DOCK8: variants seen among roughly 807,000 people sequenced by gnomAD.
DOCK8 encodes dedicator of cytokinesis protein 8.
In DOCK8, 141 loss-of-function variants were observed where a neutral mutation model predicts 245.6. The ratio of observed to expected loss-of-function variants is 0.57; its 90% confidence interval spans 0.50 to 0.66. The LOEUF (loss-of-function observed/expected upper bound fraction) is 0.66, where lower values mean the gene tolerates loss of function less well. Among genes scored for constraint, DOCK8 ranks in the 30% least tolerant of loss-of-function variants. DOCK8 has a pLI of 0.00. For missense variants in DOCK8, 2,965 were observed against 2,603.4 expected, an observed-to-expected ratio of 1.14 and a Z score of -3.02; for synonymous variants, 1,168 against 970.2, an observed-to-expected ratio of 1.20 and a Z score of -3.79.
chr9:435,421 T>C (rs981847374), intron 39 of DOCK8, among the ~76,000 whole-genome samples: 1 of 152,232 alleles, frequency 6.6e-6, no homozygotes, highest in Non-Finnish European at 1.5e-5. Flanking sequence ...AAGGCGGTTA[T>C]TATTCCCACT....
chr9:323,907 G>A (rs1325465176), intron 7 of DOCK8, among the ~76,000 whole-genome samples: 1 of 152,134 alleles, frequency 6.6e-6, no homozygotes, highest in East Asian at 1.9e-4. Flanking sequence ...CCTCATATAT[G>A]TATCTGTTCA....
chr9:333,161 G>A (rs1399666526), intron 10 of DOCK8, among the ~76,000 whole-genome samples: 2 of 152,142 alleles, frequency 1.3e-5, no homozygotes, highest in Admixed American at 6.5e-5. Flanking sequence ...AGCATGGGCC[G>A]CTGCCCTTTC....
At chr9:286,414 C>G in intron 2 of DOCK8, 47 bp from the exon 3 acceptor site, 1 of 1,603,284 alleles carries the variant, frequency 6.2e-7, no homozygotes, top group South Asian at 1.1e-5. Flanking sequence ...GTGCTTTTAC[C>G]AGAAAACTGG....
rs113617251 is a variant in DOCK8 at position 464,415 on chromosome 9, G to C, written c.*196G>C. 4 of 644,586 alleles carry C rather than the reference G, an allele frequency of 6.2e-6. No homozygotes were observed. The highest frequency in any genetic ancestry group is 1.1e-5 in the Non-Finnish European group (4 of 359,704). The allele number at this position is 644,586 out of a possible 1,614,324, so 39.9% of individuals were successfully genotyped here. On this transcript the variant is annotated 3_prime_UTR_variant, in exon 48 of 48. Coordinates refer to ENST00000432829, the MANE Select transcript of DOCK8 (RefSeq NM_203447.4). ...CTCTGACCAGATTTTTGCCATACTG[G>C]GGGGTGGCGGGATGGAGGATGGGTA...
At chr9:387,272 C>A (rs889325294) in intron 23 of DOCK8, among the ~76,000 whole-genome samples, 1 of 151,882 alleles carries the variant, frequency 6.6e-6, no homozygotes, top group African/African-American at 2.4e-5. Flanking sequence ...GGTGAAACCC[C>A]CTCCTACTAA....
intron 46 of DOCK8, chr9:460,422 T>C (rs1361611471): frequency 6.6e-6 from 1 of 152,230 alleles, no homozygotes; most frequent in Non-Finnish European, 1.5e-5. Context: ...TGTTATAAAC[T>C]TGGGCCTTGA....
chr9:239,557 A>T (rs2047334755), intron 1 of DOCK8, among the ~76,000 whole-genome samples: 1 of 152,236 alleles, frequency 6.6e-6, no homozygotes, highest in Non-Finnish European at 1.5e-5. Flanking sequence ...TAGCAACTGT[A>T]GTCAGGGATT....
At chr9:392,906 C>T (rs757887194) in intron 24 of DOCK8, among the ~76,000 whole-genome samples, 8 of 151,688 alleles carry the variant, frequency 5.3e-5, no homozygotes, top group Non-Finnish European at 1.0e-4. Flanking sequence ...AAAGAAGATT[C>T]ACTCAGCCTA....
chr9:304,530 G>T (rs1320094671), intron 4 of DOCK8, 51 bp from the exon 5 acceptor site: 2 of 1,611,626 alleles, frequency 1.2e-6, no homozygotes, highest in South Asian at 1.1e-5. Context: ...CTAATGGTTT[G>T]CCGCTCTCTC....
Position 421,868 on chromosome 9 carries a change from A to G in DOCK8, c.4154-180A>G, listed in dbSNP as rs569263095. 2.0e-5 allele frequency among the ~76,000 whole-genome samples: 3 copies of G among 152,238 alleles called. No homozygotes were observed. The East Asian group carries it at 5.8e-4, about 29-fold the overall frequency. On this transcript the variant is annotated intron_variant, in intron 32 of 47. Transcript: ENST00000432829. ...TTCTTATATTCTAGTCTATCAATCA[A>G]AGAGCGGGCCAACTTGGACATAGGT...
Position 413,818 on chromosome 9 carries a change from G to A in DOCK8, c.3531-964G>A, listed in dbSNP as rs531517773. 2.6e-5 allele frequency among the ~76,000 whole-genome samples: 4 copies of A among 152,316 alleles called. No individual in the cohort carries two copies. In the South Asian group the frequency reaches 8.3e-4, roughly 32 times the overall value. Reference sequence around the variant, plus strand: ...GGGAATGTAAAATTGTGCAGCCACCGTTGAAAACAACTTGCTGATTCCTCT... The same window carrying A: ...GGGAATGTAAAATTGTGCAGCCACCATTGAAAACAACTTGCTGATTCCTCT... On this transcript the variant is annotated intron_variant, in intron 28 of 47. Coordinates refer to ENST00000432829, the MANE Select transcript of DOCK8 (RefSeq NM_203447.4).
At chr9:357,922 T>C (rs2052522834) in intron 14 of DOCK8, among the ~76,000 whole-genome samples, 1 of 152,224 alleles carries the variant, frequency 6.6e-6, no homozygotes, top group Non-Finnish European at 1.5e-5. Flanking sequence ...TTTTCACTGG[T>C]TCCTTTGTGA....
At chr9:314,296 G>C (rs1479564690) in intron 6 of DOCK8, 2 of 152,198 alleles carry the variant, frequency 1.3e-5, no homozygotes, top group South Asian at 2.1e-4. Context: ...TCTCAGTTCT[G>C]TGATGGAGAT....
At chr9:357,592 T>C (rs909292921) in intron 14 of DOCK8, among the ~76,000 whole-genome samples, 1 of 152,222 alleles carries the variant, frequency 6.6e-6, no homozygotes, top group African/African-American at 2.4e-5. Context: ...ATACCATTTT[T>C]TTTTTCTGGC....
chr9:374,176 A>T (rs1485777572), intron 18 of DOCK8, among the ~76,000 whole-genome samples: 1 of 152,192 alleles, frequency 6.6e-6, no homozygotes, highest in Non-Finnish European at 1.5e-5. Context: ...TACTTGCGCT[A>T]TGCTGTGTTT....
At chr9:316,227 C>G (rs898205509) in intron 6 of DOCK8, among the ~76,000 whole-genome samples, 9 of 152,262 alleles carry the variant, frequency 5.9e-5, no homozygotes, top group African/African-American at 2.2e-4. Flanking sequence ...TGGACCCTTG[C>G]GATGGGCAGA....
chr9:233,843 C>G (rs557747607), intron 1 of DOCK8, among the ~76,000 whole-genome samples: 1 of 152,086 alleles, frequency 6.6e-6, no homozygotes, highest in South Asian at 2.1e-4. Context: ...GGTCTTGACT[C>G]TTTATCCAAT....
rs954072908 is a variant in DOCK8 at position 428,359 on chromosome 9, C to T, written c.4339-3C>T. 1 of 1,614,006 alleles carries T rather than the reference C, an allele frequency of 6.2e-7. No individual in the cohort carries two copies. The highest frequency in any genetic ancestry group is 1.3e-5 in the African/African-American group (1 of 74,912). On this transcript the variant is annotated splice_region_variant and splice_polypyrimidine_tract_variant and intron_variant, in intron 34 of 47. Transcript: ENST00000432829. Reference sequence around the variant, plus strand: ...CAATGATGCTGTTCTTCCATTCCCCCAGGCGAGCTCGGCTCTGGACTGTAA... The same window carrying T: ...CAATGATGCTGTTCTTCCATTCCCCTAGGCGAGCTCGGCTCTGGACTGTAA...
intron 1 of DOCK8, chr9:220,909 T>G (rs1563817304): frequency 7.3e-6 from 2 of 274,762 alleles, no homozygotes; most frequent in African/African-American, 4.7e-5. Context: ...TTAGTAGAGA[T>G]GGGGTTTCAC....
Sources: allele counts gnomAD v4.1 joint callset (sites outside exome capture counted in the v4.1 genomes callset), GRCh38; gene constraint gnomAD v4.1.1; transcripts MANE v1.5; gene names NCBI Gene and HGNC (gene_info 2026-07-23, HGNC 2026-07-21).